Variants in NBPF20 observed in about 807,000 individuals in gnomAD.
The protein encoded by NBPF20 is NBPF family member NBPF20.
In NBPF20, 90 loss-of-function variants were observed where a neutral mutation model predicts 68.1. The ratio of observed to expected loss-of-function variants is 1.32; its 90% confidence interval spans 1.11 to 1.58. NBPF20 has a LOEUF of 1.58. Ranked by LOEUF, NBPF20 falls within the 40% of genes most tolerant of loss-of-function variation. The pLI is 0.00. For missense variants in NBPF20, 816 were observed against 601.2 expected (o/e 1.36, Z -3.74); for synonymous variants, 290 against 228.1 (o/e 1.27, Z -2.45).
At chr1:145,398,871 G>A (rs1323944549) in intron 7 of NBPF20, among the ~76,000 whole-genome samples, 178 bp downstream of exon 12, 1 of 149,486 alleles carries the variant, frequency 6.7e-6, no homozygotes, top group African/African-American at 2.6e-5. Flanking sequence ...ATCTTGAGAG[G>A]ACTATGAAAT....
chr1:145,417,594 G>A, the NBPF20 span, among the ~76,000 whole-genome samples: 3 of 75,700 alleles, frequency 4.0e-5, no homozygotes, highest in South Asian at 4.5e-4. Context: ...AATATATGAA[G>A]AATTCTGAGA....
chr1:145,334,871 C>T (rs1384558384), intron 83 of NBPF20, among the ~76,000 whole-genome samples: 11 of 138,242 alleles, frequency 8.0e-5, no homozygotes, highest in Non-Finnish European at 1.5e-4. Flanking sequence ...AGAAAGTAAG[C>T]TCAGCGAGTT....
At chr1:145,292,310 T>C (rs1351196592) in intron 137 of NBPF20, 71 bp downstream of exon 142, 1 of 624,414 alleles carries the variant, frequency 1.6e-6, no homozygotes, top group Non-Finnish European at 2.8e-6. Flanking sequence ...TCAAACACAC[T>C]CTGGTTTCCC....
At chr1:145,411,235 C>T in the NBPF20 span, among the ~76,000 whole-genome samples, 386 of 148,062 alleles carry the variant, frequency 2.6e-3, 5 homozygotes, top group African/African-American at 9.1e-3. Context: ...GATCAATTTA[C>T]GAAGAACTGA....
the NBPF20 span, among the ~76,000 whole-genome samples, chr1:145,411,653 G>C: frequency 9.8e-6 from 1 of 102,154 alleles, no homozygotes; most frequent in Non-Finnish European, 2.0e-5. Flanking sequence ...GCCTCCCAAA[G>C]TGCTGAGATT....
At chr1:145,290,281 A>G (rs1229519653) in exon 138 of NBPF20, 3 of 149,168 alleles carry the variant, frequency 2.0e-5, no homozygotes, top group Non-Finnish European at 4.4e-5. Flanking sequence ...CTTCTTCATT[A>G]TAAGTAAGGT....
upstream of NBPF20, among the ~76,000 whole-genome samples, chr1:145,408,370 T>C (rs1280059518): frequency 2.6e-5 from 4 of 152,012 alleles, no homozygotes; most frequent in Admixed American, 6.6e-5. Flanking sequence ...TGGAAAACTT[T>C]TTTGTTTTGA....
chr1:145,393,525 T>A (rs1232446285), intron 9 of NBPF20, among the ~76,000 whole-genome samples: 4 of 149,696 alleles, frequency 2.7e-5, no homozygotes, highest in African/African-American at 2.5e-5. Flanking sequence ...GGTGACACAC[T>A]GATGAGGGAG....
upstream of NBPF20, among the ~76,000 whole-genome samples, chr1:145,407,370 T>TATATATATA (rs1315648058): frequency 2.8e-5 from 4 of 144,920 alleles, no homozygotes; most frequent in East Asian, 8.0e-4. Flanking sequence ...GGCACACGTA[T>TATATATATA]ATATATATAA....
upstream of NBPF20, among the ~76,000 whole-genome samples, chr1:145,407,596 A>T (rs1222451699): frequency 6.8e-6 from 1 of 148,076 alleles, no homozygotes; most frequent in East Asian, 2.0e-4. Context: ...TTATATATAT[A>T]TATTTTTCTT....
exon 138 of NBPF20, chr1:145,291,757 C>A (rs782125830): frequency 2.5e-6 from 4 of 1,611,762 alleles, no homozygotes; most frequent in African/African-American, 1.3e-5. Flanking sequence ...CTTCCATCAG[C>A]ACGCCGTTGA....
At chr1:145,405,680 A>G (rs1571379053), upstream of NBPF20, 3 of 550,950 alleles carry the variant, frequency 5.4e-6, no homozygotes, top group Non-Finnish European at 6.4e-6. Flanking sequence ...CCTGAGGGTC[A>G]CCACCAATGG....
At chr1:145,411,124 A>C in the NBPF20 span, among the ~76,000 whole-genome samples, 1 of 145,608 alleles carries the variant, frequency 6.9e-6, no homozygotes, top group South Asian at 2.1e-4. Flanking sequence ...CTATTTTATT[A>C]TTCTTGATCA....
intron 7 of NBPF20, among the ~76,000 whole-genome samples, chr1:145,398,189 A>C (rs1285833209): frequency 3.9e-5 from 6 of 151,976 alleles, no homozygotes; most frequent in Non-Finnish European, 7.4e-5. Flanking sequence ...GAAGCTTAAC[A>C]AGGATATCCA....
the NBPF20 span, among the ~76,000 whole-genome samples, chr1:145,415,059 T>C: frequency 6.6e-6 from 1 of 152,114 alleles, no homozygotes; most frequent in Admixed American, 6.5e-5. Context: ...TTATTGATCA[T>C]TATCGGGCAT....
Position 145,405,535 on chromosome 1 carries a change from T to TAG in NBPF20, c.-163_-162dup. 7 of 1,284,702 alleles carry TAG rather than the reference T, an allele frequency of 5.4e-6. No homozygotes were observed. Among genetic ancestry groups the TAG allele is most frequent in the Non-Finnish European group, 6.4e-6 (6 of 935,646 alleles). The allele number at this position is 1,284,702 out of a possible 1,614,324, so 79.6% of individuals were successfully genotyped here. On this transcript the variant is annotated 5_prime_UTR_variant, in exon 1 of 138. It introduces an in-frame stop codon into an upstream open reading frame of the 5' UTR. Transcript: ENST00000369373. ...AGCTCAGACTCTGATAAGAGTGAGGTAGATTGTGGCCAGCGTGCCAGGTAA... is the reference window on the plus strand; with the variant it reads ...AGCTCAGACTCTGATAAGAGTGAGGTAGAGATTGTGGCCAGCGTGCCAGGTAA...
intron 5 of NBPF20, 75 bp from the exon 11 acceptor site, chr1:145,400,669 T>C (rs61810791): frequency 4.8e-5 from 74 of 1,545,634 alleles, no homozygotes; most frequent in Middle Eastern, 2.3e-4. Flanking sequence ...TCCTAGCTGG[T>C]TTTGACAGGC....
the NBPF20 span, among the ~76,000 whole-genome samples, chr1:145,424,318 T>C: frequency 6.6e-6 from 1 of 152,014 alleles, no homozygotes; most frequent in South Asian, 2.1e-4. Flanking sequence ...TATACTTCAG[T>C]AACTTTTCAA....
exon 36 of NBPF20, chr1:145,372,630 C>T: frequency 6.6e-6 from 1 of 152,072 alleles, no homozygotes; most frequent in Non-Finnish European, 1.1e-5. Context: ...AACATCTATC[C>T]AGTGAGTCCT....
Sources: allele counts gnomAD v4.1 joint callset (sites outside exome capture counted in the v4.1 genomes callset), GRCh38; gene constraint gnomAD v4.1.1; transcripts MANE v1.5; gene names NCBI Gene and HGNC (gene_info 2026-07-23, HGNC 2026-07-21).